CACNA2D2: variants seen among roughly 807,000 people sequenced by gnomAD.
The protein encoded by CACNA2D2 is voltage-dependent calcium channel subunit alpha-2/delta-2.
CACNA2D2 carries 48 observed loss-of-function variants against 166.4 expected under a neutral mutation model. That is an observed-to-expected ratio of 0.29 (90% CI 0.23 to 0.37). The LOEUF is 0.37. Ranked by LOEUF, CACNA2D2 falls within the 10% of genes least tolerant of loss-of-function variation. The probability of loss-of-function intolerance (pLI) is 1.00; values close to 1 mark genes in which losing one functional copy is unlikely to be tolerated. For missense variants in CACNA2D2, 1,122 were observed against 1,433.0 expected (o/e 0.78, Z 3.50); for synonymous variants, 561 against 573.7 (o/e 0.98, Z 0.32).
At chr3:50,383,562 A>G (rs1705438182) in intron 6 of CACNA2D2, among the ~76,000 whole-genome samples, 1 of 152,124 alleles carries the variant, frequency 6.6e-6, no homozygotes, top group African/African-American at 2.4e-5. Flanking sequence ...CCTTCTAGCT[A>G]TAGTGACCTC....
Position 50,380,946 on chromosome 3 carries a change from G to A in CACNA2D2, c.784+49C>T. On this transcript the variant is annotated intron_variant, in intron 7 of 37. Transcript: ENST00000424201. This position sits in a 1 kb window ranked among gnomAD's most constrained non-coding sequence, Gnocchi z 4.9. Reference sequence around the variant, plus strand: ...CCCCAGGATGGGTGGGCTGGTAGATGGAGAAAGGCGAGGTGCTGGGTAGAC... The same window carrying A: ...CCCCAGGATGGGTGGGCTGGTAGATAGAGAAAGGCGAGGTGCTGGGTAGAC... 1 of 1,606,214 alleles carries A rather than the reference G, an allele frequency of 6.2e-7. No homozygotes were observed.
At chr3:50,378,680 T>C (rs765837952) in intron 13 of CACNA2D2, among the ~76,000 whole-genome samples, 7 of 151,608 alleles carry the variant, frequency 4.6e-5, no homozygotes, top group Non-Finnish European at 7.4e-5. Flanking sequence ...GACGCAGGAG[T>C]AGACAAGCTG....
At chr3:50,455,781 G>A (rs1266074719) in intron 2 of CACNA2D2, among the ~76,000 whole-genome samples, 1 of 152,162 alleles carries the variant, frequency 6.6e-6, no homozygotes, top group Non-Finnish European at 1.5e-5. Flanking sequence ...AGATCTCAGC[G>A]ATGGAAAGGC....
chr3:50,424,667 T>C (rs1347142912), intron 3 of CACNA2D2, among the ~76,000 whole-genome samples: 2 of 152,204 alleles, frequency 1.3e-5, no homozygotes, highest in Non-Finnish European at 2.9e-5. Context: ...GCTGTCCCCG[T>C]ACCTGGTAAC....
Position 50,364,672 on chromosome 3 carries a change from GCGGCGAGAGGCGTGGAC to G in CACNA2D2, c.3409_3425del (p.Val1137ProfsTer38), listed in dbSNP as rs1222641070. ...GTGGGGTGGGGCAGGGTGCTCAGAG[GCGGCGAGAGGCGTGGAC>G]GAGGACTTGAGGCTGCGGCCGGGGC... On this transcript the variant is annotated frameshift_variant, in exon 38 of 38. Coordinates refer to ENST00000424201, the MANE Select transcript of CACNA2D2 (RefSeq NM_006030.4). LOFTEE classifies it high-confidence loss of function. 2.0e-6 allele frequency: 3 copies of G among 1,526,036 alleles called. No homozygotes were observed. In the African/African-American group the frequency reaches 4.2e-5, roughly 21 times the overall value. The allele number at this position is 1,526,036 out of a possible 1,614,324, so 94.5% of individuals were successfully genotyped here. A position where few individuals can be genotyped will look rare whatever the true frequency, so the allele number is the denominator to read the frequency against.
Position 50,379,345 on chromosome 3 carries a change from C to G in CACNA2D2, c.1152+87G>C. 2 of 1,528,648 alleles carry G rather than the reference C, an allele frequency of 1.3e-6. No individual in the cohort carries two copies. Among genetic ancestry groups the G allele is most frequent in the Non-Finnish European group, 9.0e-7 (1 of 1,116,842 alleles). 94.7% of individuals were successfully genotyped at this position (1,528,648 alleles called of 1,614,324 possible). ...GTCCAAGCTGCCTGTTTGGTGCTAA[C>G]GAGGCCATCCGTCTTGATTTCCTGG... On this transcript the variant is annotated intron_variant, in intron 11 of 37. Transcript: ENST00000424201. This position sits in a 1 kb window ranked among gnomAD's most constrained non-coding sequence, Gnocchi z 6.5.
intron 3 of CACNA2D2, among the ~76,000 whole-genome samples, chr3:50,396,955 C>T (rs1034634448): frequency 6.6e-6 from 1 of 152,192 alleles, no homozygotes; most frequent in African/African-American, 2.4e-5. Context: ...TGGGAGTCTC[C>T]AGGCTGGGCC....
Position 50,375,655 on chromosome 3 carries a change from G to C in CACNA2D2, c.1896C>G (p.Ser632Arg). The change falls in exon 21 of 38, where the codon AGC (serine) becomes AGG (arginine). Residue 632 changes from serine to arginine, a missense_variant. Physicochemically the swap from Ser to Arg is moderately radical, Grantham distance 110. This residue lies in a region of CACNA2D2 where 840 missense variants were observed against 1,166.8 expected (regional missense o/e 0.72). Coordinates refer to ENST00000424201, the MANE Select transcript of CACNA2D2 (RefSeq NM_006030.4). This position sits in a 1 kb window ranked among gnomAD's most constrained non-coding sequence, Gnocchi z 4.0. ...TRNYTWVPIR[S>R]TNYSLGLVLP... ...CTGGCCTCACTTACCTGTAGTTAGTGCTCCTTATAGGCACCCAGGTGTAGT... is the reference window on the plus strand; with the variant it reads ...CTGGCCTCACTTACCTGTAGTTAGTCCTCCTTATAGGCACCCAGGTGTAGT... 6.2e-7 allele frequency: 1 copy of C among 1,612,870 alleles called. No individual in the cohort carries two copies. The highest frequency in any genetic ancestry group is 8.5e-7 in the Non-Finnish European group (1 of 1,179,708).
chr3:50,377,224 C>T (rs587657066), intron 17 of CACNA2D2, among the ~76,000 whole-genome samples: 50 of 152,280 alleles, frequency 3.3e-4, no homozygotes, highest in Non-Finnish European at 5.4e-4. Context: ...ACAGTGCAAC[C>T]GAGTAAGAGA....
intron 2 of CACNA2D2, among the ~76,000 whole-genome samples, chr3:50,468,431 G>GTGTA (rs1559978531): frequency 1.4e-5 from 2 of 147,608 alleles, no homozygotes; most frequent in Non-Finnish European, 3.0e-5. Flanking sequence ...GTGTGTGTGT[G>GTGTA]TGTGTGTGTG....
At chr3:50,439,375 G>T (rs1708486953) in intron 2 of CACNA2D2, among the ~76,000 whole-genome samples, 2 of 152,242 alleles carry the variant, frequency 1.3e-5, no homozygotes, top group South Asian at 4.1e-4. Flanking sequence ...AAGGTGAACA[G>T]CCCTAATCTC....
intron 2 of CACNA2D2, among the ~76,000 whole-genome samples, chr3:50,452,482 C>T (rs1559962930): frequency 1.3e-5 from 2 of 152,208 alleles, no homozygotes; most frequent in Admixed American, 1.3e-4. Flanking sequence ...ACAATCCTGA[C>T]ATGTGATGGA....
intron 2 of CACNA2D2, among the ~76,000 whole-genome samples, chr3:50,475,076 C>T (rs1671598638): frequency 6.6e-6 from 1 of 152,132 alleles, no homozygotes; most frequent in Admixed American, 6.5e-5. Context: ...GCCAGAGGTC[C>T]TACATTCACA....
chr3:50,502,236 G>A (rs950807264), intron 1 of CACNA2D2, among the ~76,000 whole-genome samples: 2 of 152,188 alleles, frequency 1.3e-5, no homozygotes, highest in Non-Finnish European at 2.9e-5. Flanking sequence ...CAGGACACTG[G>A]TGAAGGAGTC....
chr3:50,478,309 A>T (rs1254291985), intron 1 of CACNA2D2, among the ~76,000 whole-genome samples: 1 of 152,192 alleles, frequency 6.6e-6, no homozygotes, highest in African/African-American at 2.4e-5. Context: ...TTGTGGGTGG[A>T]CAACATAGCG....
chr3:50,477,666 G>A (rs993281899), intron 1 of CACNA2D2, among the ~76,000 whole-genome samples: 6 of 152,108 alleles, frequency 3.9e-5, no homozygotes, highest in Admixed American at 2.6e-4. Context: ...CAGGAAGGGC[G>A]CACAAAAAAG....
At chr3:50,480,449 C>G (rs1411782538) in intron 1 of CACNA2D2, among the ~76,000 whole-genome samples, 1 of 151,782 alleles carries the variant, frequency 6.6e-6, no homozygotes, top group Non-Finnish European at 1.5e-5. Context: ...CTCAGGACAT[C>G]TTCTATGAAA....
At chr3:50,386,432 G>T (rs769323596) in intron 5 of CACNA2D2, among the ~76,000 whole-genome samples, 2 of 152,232 alleles carry the variant, frequency 1.3e-5, no homozygotes, top group Non-Finnish European at 1.5e-5. Flanking sequence ...GCTGCTGAGG[G>T]GGGTAAGGAA....
rs201152468 is a variant in CACNA2D2, at chr3:50,367,546, G to C, written c.2298-49C>G. ...GGTAGGTAAGGGGTGGCTTGTCGGG[G>C]ACAGTGGTCTCCACAGATGCAAGGA... is the stretch of plus-strand genomic sequence containing the variant. On this transcript the variant is annotated intron_variant, in intron 26 of 37. Transcript: ENST00000424201. The surrounding 1 kb of genome is among the most constrained non-coding windows in gnomAD (Gnocchi z 6.5). 1 of 1,607,474 alleles carries C rather than the reference G, an allele frequency of 6.2e-7. No individual in the cohort carries two copies. Among genetic ancestry groups the C allele is most frequent in the East Asian group, 2.2e-5 (1 of 44,824 alleles).
Sources: allele counts gnomAD v4.1 joint callset (sites outside exome capture counted in the v4.1 genomes callset), GRCh38; gene constraint gnomAD v4.1.1; regional missense constraint gnomAD v4.1.1; non-coding constraint Gnocchi (gnomAD v3.1); transcripts MANE v1.5; gene names NCBI Gene and HGNC (gene_info 2026-07-23, HGNC 2026-07-21).